Variants in PPP6C observed in about 807,000 individuals in gnomAD.
PPP6C encodes the protein serine/threonine-protein phosphatase 6 catalytic subunit.
PPP6C carries 11 observed loss-of-function variants against 39.8 expected under a neutral mutation model. The ratio of observed to expected loss-of-function variants is 0.28; its 90% CI spans 0.17 to 0.46. The LOEUF (loss-of-function observed/expected upper bound fraction) is 0.46. Among genes scored for constraint, PPP6C ranks in the 20% least tolerant of loss-of-function variants. The probability of loss-of-function intolerance (pLI) is 1.00; values close to 1 mark genes in which losing one functional copy is unlikely to be tolerated. For synonymous variants in PPP6C, 129 were observed against 130.3 expected (o/e 0.99, Z 0.07); for missense variants, 211 against 373.9 (o/e 0.56, Z 3.59).
rs748788972 is a variant in PPP6C, at chr9:125,189,753, G to T, written c.-35C>A. On this transcript the variant is annotated 5_prime_UTR_variant, in exon 1 of 7. Coordinates refer to ENST00000373547, the MANE Select transcript of PPP6C (RefSeq NM_002721.5). ...AACAAGCCGCGGCAACAGCGGCGGC[G>T]GCGGCTGTAGCAGCGGCGGCGGCAG... 18 of 1,560,276 alleles carry T rather than the reference G, an allele frequency of 1.2e-5. No homozygotes were observed. Among genetic ancestry groups the T allele is most frequent in the East Asian group, 2.4e-5 (1 of 41,186 alleles).
chr9:125,162,533 G>A (rs1828905332), intron 2 of PPP6C, among the ~76,000 whole-genome samples: 1 of 151,498 alleles, frequency 6.6e-6, no homozygotes, highest in Non-Finnish European at 1.5e-5. Context: ...CAGCATTGTG[G>A]GAGGCTGAGG....
intron 1 of PPP6C, among the ~76,000 whole-genome samples, chr9:125,183,296 T>G (rs1195159121): frequency 6.6e-6 from 1 of 152,178 alleles, no homozygotes; most frequent in Non-Finnish European, 1.5e-5. Flanking sequence ...AGAATAAACA[T>G]TTCAAAAGCC....
At chr9:125,162,521 C>T (rs1388463673) in intron 2 of PPP6C, among the ~76,000 whole-genome samples, 1 of 149,624 alleles carries the variant, frequency 6.7e-6, no homozygotes, top group Non-Finnish European at 1.5e-5. Flanking sequence ...CACTTGTAAT[C>T]CCAGCATTGT....
chr9:125,166,356 G>A (rs1380517744), intron 2 of PPP6C, among the ~76,000 whole-genome samples: 1 of 152,006 alleles, frequency 6.6e-6, no homozygotes, highest in African/African-American at 2.4e-5. Context: ...AACAAATACT[G>A]TCAATTGTTC....
chr9:125,172,309 A>G (rs1039288759), intron 1 of PPP6C, among the ~76,000 whole-genome samples: 24 of 151,916 alleles, frequency 1.6e-4, no homozygotes, highest in Admixed American at 1.3e-3. Context: ...ACTGCCTCCC[A>G]GTTCAAGTGA....
chr9:125,160,751 C>T lies in PPP6C; in HGVS notation c.237+90G>A, dbSNP rs1828851965. 4.7e-5 allele frequency: 44 copies of T among 938,512 alleles called. No homozygotes were observed. In the East Asian group the frequency reaches 1.2e-3, roughly 26 times the overall value. The allele number at this position is 938,512 out of a possible 1,614,324, so 58.1% of individuals were successfully genotyped here. A position where few individuals can be genotyped will look rare whatever the true frequency, so the allele number is the denominator to read the frequency against. On this transcript the variant is annotated intron_variant, in intron 3 of 6. Coordinates refer to ENST00000373547, the MANE Select transcript of PPP6C (RefSeq NM_002721.5). ...TAATATACTGAAATAGGGACTGTCA[C>T]ATGGTAAAGAATTATTATGCAATTT...
intron 1 of PPP6C, among the ~76,000 whole-genome samples, chr9:125,178,825 G>T (rs192445927): frequency 5.9e-5 from 9 of 152,146 alleles, no homozygotes; most frequent in African/African-American, 2.2e-4. Flanking sequence ...TGGTGAAAGT[G>T]TAATTTAGCA....
chr9:125,186,345 T>A (rs1049060414), intron 1 of PPP6C, among the ~76,000 whole-genome samples: 1 of 151,950 alleles, frequency 6.6e-6, no homozygotes, highest in African/African-American at 2.4e-5. Context: ...AACAAATTAA[T>A]CTGATAAAAG....
Position 125,189,747 on chromosome 9 carries a change from G to A in PPP6C, c.-29C>T, listed in dbSNP as rs1554724099. On this transcript the variant is annotated 5_prime_UTR_variant, in exon 1 of 7. Transcript: ENST00000373547. Reference sequence around the variant, plus strand: ...AAGAATAACAAGCCGCGGCAACAGCGGCGGCGGCGGCTGTAGCAGCGGCGG... The same window carrying A: ...AAGAATAACAAGCCGCGGCAACAGCAGCGGCGGCGGCTGTAGCAGCGGCGG... 1 of 1,437,396 alleles carries A rather than the reference G, an allele frequency of 7.0e-7. No individual in the cohort carries two copies. The highest frequency in any genetic ancestry group is 9.3e-7 in the Non-Finnish European group (1 of 1,076,274). The allele number at this position is 1,437,396 out of a possible 1,614,324, so 89.0% of individuals were successfully genotyped here.
chr9:125,158,124 A>G (rs1836126009), intron 4 of PPP6C, 117 bp downstream of exon 4: 4 of 1,026,722 alleles, frequency 3.9e-6, no homozygotes, highest in African/African-American at 1.6e-5. Context: ...GGAGGAGTGA[A>G]GGAGTGAGGA....
chr9:125,175,246 G>GA (rs765568733), intron 1 of PPP6C, among the ~76,000 whole-genome samples: 72 of 152,024 alleles, frequency 4.7e-4, no homozygotes, highest in Admixed American at 1.2e-3. Flanking sequence ...AGATGCTGGT[G>GA]AGTGAAACAA....
chr9:125,151,559 G>A (rs1271211562), intron 6 of PPP6C: 12 of 813,246 alleles, frequency 1.5e-5, no homozygotes, highest in Admixed American at 6.9e-5. Context: ...TGAAGAATCC[G>A]TTTCTTACCT....
At chr9:125,169,666 T>C (rs1311982386) in intron 2 of PPP6C, among the ~76,000 whole-genome samples, 1 of 152,188 alleles carries the variant, frequency 6.6e-6, no homozygotes, top group East Asian at 1.9e-4. Context: ...TTCAGGAATG[T>C]CTTAAGACAC....
rs369869666 is a variant in PPP6C at position 125,151,924 on chromosome 9, A to G, written c.669+1609T>C. 1.1e-4 allele frequency among the ~76,000 whole-genome samples: 17 copies of G among 152,330 alleles called. 1 individual carries two copies. The East Asian group carries it at 1.9e-3, about 17-fold the overall frequency. ...ACTGGAGAAGCTCAGACTACTCTGC[A>G]TGTGAATGCTTCAGGGTTTTCTTTG... On this transcript the variant is annotated intron_variant, in intron 6 of 6. Coordinates refer to ENST00000373547, the MANE Select transcript of PPP6C (RefSeq NM_002721.5).
At chr9:125,188,071 G>A (rs1829569896) in intron 1 of PPP6C, among the ~76,000 whole-genome samples, 1 of 151,430 alleles carries the variant, frequency 6.6e-6, no homozygotes. Flanking sequence ...AAAACCCACA[G>A]TAATATATTT....
chr9:125,168,449 T>A (rs1434804426), intron 2 of PPP6C, among the ~76,000 whole-genome samples: 1 of 152,174 alleles, frequency 6.6e-6, no homozygotes. Flanking sequence ...TGTTTCTGAT[T>A]AGCAATCTTC....
rs1399568340 is a variant in PPP6C, at chr9:125,147,198, G to A, written c.*2475C>T. On this transcript the variant is annotated 3_prime_UTR_variant, in exon 7 of 7. Coordinates refer to ENST00000373547, the MANE Select transcript of PPP6C (RefSeq NM_002721.5). ...AGAGCATATCGGCCAAAGGAGGAAAGGGAGTAAATGGCAATTCAAAGTAGA... is the reference window on the plus strand; with the variant it reads ...AGAGCATATCGGCCAAAGGAGGAAAAGGAGTAAATGGCAATTCAAAGTAGA... 6.6e-6 allele frequency: 1 copy of A among 152,178 alleles called. No homozygotes were observed. Among genetic ancestry groups the A allele is most frequent in the Non-Finnish European group, 1.5e-5 (1 of 68,038 alleles). 9.4% of individuals were successfully genotyped at this position (152,178 alleles called of 1,614,324 possible).
At chr9:125,188,473 T>C (rs960244843) in intron 1 of PPP6C, among the ~76,000 whole-genome samples, 4 of 151,550 alleles carry the variant, frequency 2.6e-5, no homozygotes, top group Admixed American at 6.6e-5. Flanking sequence ...AGCAAATGCA[T>C]AGAAACACTT....
intron 1 of PPP6C, among the ~76,000 whole-genome samples, chr9:125,171,476 C>CATATATATATAT (rs1171225348): frequency 4.2e-4 from 24 of 57,178 alleles, no homozygotes; most frequent in African/African-American, 6.9e-4. Flanking sequence ...CACACACACA[C>CATATATATATAT]ACATATATAT....
Sources: allele counts gnomAD v4.1 joint callset (sites outside exome capture counted in the v4.1 genomes callset), GRCh38; gene constraint gnomAD v4.1.1; transcripts MANE v1.5; gene names NCBI Gene and HGNC (gene_info 2026-07-23, HGNC 2026-07-21).